The following UBIAD1 variants were observed in gnomAD, a reference collection of about 807,000 sequenced individuals.
The protein encoded by UBIAD1 is ubiA prenyltransferase domain-containing protein 1.
UBIAD1 carries 12 observed loss-of-function variants against 20.1 expected under a neutral mutation model. The ratio of observed to expected loss-of-function variants is 0.60; its 90% CI spans 0.38 to 0.97. The LOEUF is 0.97. UBIAD1 is among the 50% of genes least tolerant of loss of function. The pLI is 0.00. For synonymous variants in UBIAD1, 207 were observed against 189.2 expected, an observed-to-expected ratio of 1.09 and a Z score of -0.77; for missense variants, 333 against 419.5, an observed-to-expected ratio of 0.79 and a Z score of 1.80.
chr1:11,289,922 G>A (rs1179806751), downstream of UBIAD1, among the ~76,000 whole-genome samples: 1 of 152,072 alleles, frequency 6.6e-6, no homozygotes, highest in Non-Finnish European at 1.5e-5. Flanking sequence ...AGTAGAGAAG[G>A]GGTTTCACCA....
intron 1 of UBIAD1, among the ~76,000 whole-genome samples, chr1:11,281,561 T>C (rs1652241996): frequency 6.6e-6 from 1 of 152,230 alleles, no homozygotes; most frequent in Non-Finnish European, 1.5e-5. Flanking sequence ...CATTGTCTTT[T>C]ATTGACATAT....
downstream of UBIAD1, among the ~76,000 whole-genome samples, chr1:11,299,180 C>T (rs770256324): frequency 6.6e-5 from 10 of 152,228 alleles, no homozygotes; most frequent in Admixed American, 1.3e-4. Flanking sequence ...TCCCTTGTTT[C>T]TCTCAGTGGC....
chr1:11,282,755 T>A (rs1266749415), intron 1 of UBIAD1, among the ~76,000 whole-genome samples: 1 of 150,094 alleles, frequency 6.7e-6, no homozygotes, highest in Non-Finnish European at 1.5e-5. Flanking sequence ...TTAGTAGAGA[T>A]GGGGTTTCTC....
At chr1:11,283,577 G>A (rs547571512) in intron 1 of UBIAD1, among the ~76,000 whole-genome samples, 1 of 152,088 alleles carries the variant, frequency 6.6e-6, no homozygotes, top group Non-Finnish European at 1.5e-5. Context: ...GAATTAGCTT[G>A]CTGAATGTTG....
At chr1:11,289,260 C>A (rs1178673622), downstream of UBIAD1, among the ~76,000 whole-genome samples, 2 of 152,180 alleles carry the variant, frequency 1.3e-5, no homozygotes, top group Non-Finnish European at 2.9e-5. Context: ...TGTCCTCTGC[C>A]CTTTGCTCCG....
chr1:11,280,274 G>A (rs1383496993), intron 1 of UBIAD1, among the ~76,000 whole-genome samples: 1 of 152,162 alleles, frequency 6.6e-6, no homozygotes, highest in East Asian at 1.9e-4. Flanking sequence ...AAAGGTCTGT[G>A]TGAGCCAGAG....
chr1:11,289,361 A>G (rs989274280), downstream of UBIAD1, among the ~76,000 whole-genome samples: 1 of 152,224 alleles, frequency 6.6e-6, no homozygotes, highest in African/African-American at 2.4e-5. Flanking sequence ...CAAAATGACA[A>G]TTAGGAGCCT....
chr1:11,289,055 A>G (rs1231185357), downstream of UBIAD1, among the ~76,000 whole-genome samples: 3 of 152,224 alleles, frequency 2.0e-5, no homozygotes, highest in African/African-American at 4.8e-5. Context: ...GATGGAGAAC[A>G]TGAGGTAGAT....
At chr1:11,282,690 G>A (rs1159419822) in intron 1 of UBIAD1, among the ~76,000 whole-genome samples, 1 of 151,168 alleles carries the variant, frequency 6.6e-6, no homozygotes, top group African/African-American at 2.4e-5. Flanking sequence ...AGCCTCCCGA[G>A]TAGCTGGGAT....
chr1:11,292,668 T>TATACACAC (rs1223161585), downstream of UBIAD1, among the ~76,000 whole-genome samples: 185 of 140,740 alleles, frequency 1.3e-3, 1 homozygote, highest in African/African-American at 4.1e-3. Context: ...ATTTTATGTA[T>TATACACAC]ACACACACAC....
Position 11,273,254 on chromosome 1 carries a change from A to T in UBIAD1, c.-278A>T, listed in dbSNP as rs1286523339. ...CAAGATGGCGGCTCTGGCGGCCTAA[A>T]GAAGGCGGCCGCGGCTCAGCCGTGG... On this transcript the variant is annotated 5_prime_UTR_variant, in exon 1 of 2. In the 5' UTR this introduces an upstream ATG that the reference lacks. Coordinates refer to ENST00000376810, the MANE Select transcript of UBIAD1 (RefSeq NM_013319.3). This position sits in a 1 kb window ranked among gnomAD's most constrained non-coding sequence, Gnocchi z 4.9. The T allele has an allele frequency of 2.1e-5, 10 of 470,366 alleles. No individual in the cohort carries two copies. In the Admixed American group the frequency reaches 3.7e-4, roughly 18 times the overall value. The allele number at this position is 470,366 out of a possible 1,614,324, so 29.1% of individuals were successfully genotyped here. A position where few individuals can be genotyped will look rare whatever the true frequency, so the allele number is the denominator to read the frequency against.
chr1:11,294,871 A>G lies in UBIAD1; in HGVS notation c.530-2A>G, dbSNP rs1037498700. On this transcript the variant is annotated splice_acceptor_variant, in intron 1 of 1. Transcript: ENST00000376804. LOFTEE classifies it high-confidence loss of function. ...TGTCCTCATTCGTCTCGTCTCTTCC[A>G]GTCCTCATCTAGCCACTGAAGCAGA... 2 of 717,472 alleles carry G rather than the reference A, an allele frequency of 2.8e-6. No homozygotes were observed. The highest frequency in any genetic ancestry group is 2.6e-6 in the Non-Finnish European group (1 of 385,102). The allele number at this position is 717,472 out of a possible 1,614,324, so 44.4% of individuals were successfully genotyped here. A position where few individuals can be genotyped will look rare whatever the true frequency, so the allele number is the denominator to read the frequency against.
chr1:11,279,140 A>G (rs1006827673), intron 1 of UBIAD1: 1 of 220,268 alleles, frequency 4.5e-6, no homozygotes, highest in African/African-American at 2.3e-5. Flanking sequence ...CTGGGATTAT[A>G]GGTGTGAACT....
rs1638262489 is a variant in UBIAD1, at chr1:11,286,405, G to A, written c.*274G>A. The A allele has an allele frequency of 1.7e-5, 8 of 475,124 alleles. No individual in the cohort carries two copies. The highest frequency in any genetic ancestry group is 2.7e-5 in the Non-Finnish European group (7 of 262,754). The allele number at this position is 475,124 out of a possible 1,614,324, so 29.4% of individuals were successfully genotyped here. On this transcript the variant is annotated 3_prime_UTR_variant, in exon 2 of 2. Transcript: ENST00000376810. ...TTATTAATAATTTCCACTAGAGGGT[G>A]TTCTCAGGTCACTTTGCAGTGAAGT...
downstream of UBIAD1, among the ~76,000 whole-genome samples, chr1:11,291,606 CA>C (rs771883369): frequency 0.024 from 1,331 of 56,366 alleles, 9 homozygotes; most frequent in African/African-American, 0.058. Context: ...GACTTCATCT[CA>C]AAAAAAAAAA....
Position 11,273,890 on chromosome 1 carries a change from C to T in UBIAD1, c.359C>T (p.Thr120Ile). 1 of 1,614,218 alleles carries T rather than the reference C, an allele frequency of 6.2e-7. No individual in the cohort carries two copies. The highest frequency in any genetic ancestry group is 1.1e-5 in the South Asian group (1 of 91,086). ...GACCACAAAAAGAGTGATGACAGGA[C>T]ACTTGTGGACCGAATCTTGGAGCCG... is the stretch of plus-strand genomic sequence containing the variant. ...GIDHKKSDDR[T>I]LVDRILEPQD... The change falls in exon 1 of 2, where the codon ACA becomes ATA. Residue 120 changes from threonine to isoleucine, a missense_variant. Thr to Ile is a moderately conservative substitution (Grantham distance 89, BLOSUM62 -1). Around this residue, in one of 3 missense-constraint regions of UBIAD1, gnomAD observed 50 missense variants for 101.2 expected, o/e 0.49. Coordinates refer to ENST00000376810, the MANE Select transcript of UBIAD1 (RefSeq NM_013319.3). This position sits in a 1 kb window ranked among gnomAD's most constrained non-coding sequence, Gnocchi z 4.9.
At chr1:11,298,144 A>G (rs752366648), downstream of UBIAD1, among the ~76,000 whole-genome samples, 5 of 151,934 alleles carry the variant, frequency 3.3e-5, no homozygotes, top group South Asian at 6.2e-4. This position sits in a 1 kb window ranked among gnomAD's most constrained non-coding sequence, Gnocchi z 4.0. Flanking sequence ...TTTTTAGTAG[A>G]GAAGGGTTTC....
intron 1 of UBIAD1, among the ~76,000 whole-genome samples, chr1:11,282,338 G>A (rs923694687): frequency 1.3e-5 from 2 of 152,148 alleles, no homozygotes; most frequent in Non-Finnish European, 2.9e-5. Context: ...GGTTGGGAGA[G>A]GAGGAATGCC....
intron 1 of UBIAD1, among the ~76,000 whole-genome samples, chr1:11,283,945 C>T (rs1046620760): frequency 3.9e-5 from 6 of 152,144 alleles, no homozygotes; most frequent in Admixed American, 3.9e-4. Context: ...CTGTTTCAGT[C>T]TGAGTGGGAG....
Sources: gnomAD v4.1 joint callset for allele counts (sites outside exome capture counted in the v4.1 genomes callset) on GRCh38, gnomAD v4.1.1 for gene constraint, gnomAD v4.1.1 regional missense constraint, Gnocchi (gnomAD v3.1) non-coding constraint, MANE v1.5 for transcripts, NCBI Gene and HGNC (gene_info 2026-07-23, HGNC 2026-07-21) for gene names.